TYR: variants seen among roughly 807,000 people sequenced by gnomAD.
TYR encodes the protein LB24-AB.
In TYR, 58 loss-of-function variants were observed where a neutral mutation model predicts 51.5. The ratio of observed to expected loss-of-function variants is 1.13; its 90% CI spans 0.91 to 1.40. The LOEUF (loss-of-function observed/expected upper bound fraction) is 1.40, where lower values mean the gene tolerates loss of function less well. Among genes scored for constraint, TYR ranks in the 40% most tolerant of loss-of-function variants. TYR has a pLI of 0.00. For missense variants in TYR, 732 were observed against 647.4 expected (o/e 1.13, Z -1.42); for synonymous variants, 263 against 235.2 (o/e 1.12, Z -1.08).
intron 4 of TYR, among the ~76,000 whole-genome samples, chr11:89,290,685 G>T (rs1158947948): frequency 6.6e-6 from 1 of 151,894 alleles, no homozygotes; most frequent in Non-Finnish European, 1.5e-5. Flanking sequence ...AAAGGTAAAT[G>T]GTTAAAGATA....
At chr11:89,247,732 G>T (rs928839673) in intron 3 of TYR, among the ~76,000 whole-genome samples, 3 of 152,174 alleles carry the variant, frequency 2.0e-5, no homozygotes, top group African/African-American at 7.2e-5. Flanking sequence ...TCTGCAAAGC[G>T]GAGGGAAGAG....
At chr11:89,286,362 G>C (rs1198962506) in intron 4 of TYR, among the ~76,000 whole-genome samples, 3 of 151,796 alleles carry the variant, frequency 2.0e-5, no homozygotes, top group African/African-American at 7.3e-5. Context: ...AAAATAAGTT[G>C]ACCCAGTTTA....
At chr11:89,209,737 G>A (rs1318820209) in intron 2 of TYR, among the ~76,000 whole-genome samples, 2 of 152,096 alleles carry the variant, frequency 1.3e-5, no homozygotes, top group African/African-American at 4.8e-5. Flanking sequence ...ACAGGCAGGT[G>A]CCCCTCTGGG....
chr11:89,204,242 G>C (rs1943640564), intron 2 of TYR, among the ~76,000 whole-genome samples: 1 of 152,158 alleles, frequency 6.6e-6, no homozygotes, highest in African/African-American at 2.4e-5. Context: ...CAGTAATGAG[G>C]GGTATTCTTA....
At chr11:89,263,769 A>C (rs1306322438) in intron 3 of TYR, among the ~76,000 whole-genome samples, 1 of 152,094 alleles carries the variant, frequency 6.6e-6, no homozygotes, top group Non-Finnish European at 1.5e-5. Context: ...ACTTAGGAAT[A>C]ATTTTAACCA....
chr11:89,205,053 C>T lies in TYR; in HGVS notation c.1036+13635C>T, dbSNP rs192923820. Among the ~76,000 whole-genome samples the T allele has an allele frequency of 3.3e-3, 501 of 151,814 alleles. 2 individuals are homozygous for T. The highest frequency in any genetic ancestry group is 3.1e-3 in the South Asian group (15 of 4,794). On this transcript the variant is annotated intron_variant, in intron 2 of 4. Coordinates refer to ENST00000263321, the MANE Select transcript of TYR (RefSeq NM_000372.5). Reference sequence around the variant, plus strand: ...ACAAATGAAAAAAATAGAATGACTTCGCAAGAAAATGGAAGATATCACAAA... The same window carrying T: ...ACAAATGAAAAAAATAGAATGACTTTGCAAGAAAATGGAAGATATCACAAA...
At chr11:89,213,643 A>C (rs2135271458) in intron 2 of TYR, among the ~76,000 whole-genome samples, 1 of 152,274 alleles carries the variant, frequency 6.6e-6, no homozygotes, top group African/African-American at 2.4e-5. Context: ...ATTAATTCTA[A>C]GCAAAAAAGA....
intron 2 of TYR, among the ~76,000 whole-genome samples, chr11:89,209,804 T>C (rs868358703): frequency 2.0e-5 from 3 of 152,186 alleles, no homozygotes; most frequent in Middle Eastern, 3.4e-3. Flanking sequence ...CAGGCTCCAT[T>C]GGTGATACCC....
At chr11:89,284,518 ATGTGTAAGTTTTATT>A (rs765504460) in intron 3 of TYR, among the ~76,000 whole-genome samples, 5 of 151,984 alleles carry the variant, frequency 3.3e-5, no homozygotes, top group Non-Finnish European at 4.4e-5. Flanking sequence ...TCAAAACTCA[ATGTGTAAGTTTTATT>A]CACCTGCTAA....
intron 3 of TYR, among the ~76,000 whole-genome samples, chr11:89,276,904 T>G (rs1207496245): frequency 2.6e-5 from 4 of 151,812 alleles, no homozygotes; most frequent in Non-Finnish European, 5.9e-5. Flanking sequence ...TACCGTTAAC[T>G]GTGACCTTTG....
At chr11:89,275,128 CAT>C (rs778799006) in intron 3 of TYR, among the ~76,000 whole-genome samples, 18 of 151,924 alleles carry the variant, frequency 1.2e-4, no homozygotes, top group Non-Finnish European at 2.5e-4. Flanking sequence ...AGGGATAAAT[CAT>C]ATGTCTTTAG....
intron 4 of TYR, among the ~76,000 whole-genome samples, chr11:89,285,748 A>T (rs959520083): frequency 5.3e-5 from 8 of 151,766 alleles, no homozygotes; most frequent in African/African-American, 1.9e-4. Flanking sequence ...AATTTAAGTG[A>T]CTTTCTCAAA....
intron 3 of TYR, among the ~76,000 whole-genome samples, chr11:89,256,256 G>A (rs1944389996): frequency 6.6e-6 from 1 of 151,686 alleles, no homozygotes; most frequent in African/African-American, 2.4e-5. Context: ...GTAAGTTATT[G>A]CCTGTAAAAT....
At chr11:89,211,474 G>A (rs771693376) in intron 2 of TYR, among the ~76,000 whole-genome samples, 9 of 152,138 alleles carry the variant, frequency 5.9e-5, no homozygotes, top group African/African-American at 2.2e-4. Context: ...GACCTACAAA[G>A]AGAGTTAGAC....
intron 1 of TYR, among the ~76,000 whole-genome samples, chr11:89,188,740 A>G (rs1020533309): frequency 6.7e-6 from 1 of 150,194 alleles, no homozygotes; most frequent in Non-Finnish European, 1.5e-5. Context: ...TAATGAAGAT[A>G]TGAATAACCC....
intron 2 of TYR, among the ~76,000 whole-genome samples, chr11:89,204,740 G>A (rs1350201061): frequency 4.6e-5 from 7 of 151,334 alleles, no homozygotes; most frequent in Admixed American, 2.0e-4. Context: ...AATAAGATCT[G>A]TAGTCTCATA....
intron 3 of TYR, among the ~76,000 whole-genome samples, chr11:89,280,995 GT>G (rs766243229): frequency 5.9e-5 from 9 of 151,708 alleles, no homozygotes; most frequent in Non-Finnish European, 1.0e-4. Context: ...GTAATCCACT[GT>G]TGTTATACTG....
intron 3 of TYR, among the ~76,000 whole-genome samples, chr11:89,271,217 A>G (rs1944585052): frequency 6.6e-6 from 1 of 151,856 alleles, no homozygotes; most frequent in Admixed American, 6.6e-5. Context: ...TTAATGCTAA[A>G]AACAATCCCT....
intron 4 of TYR, among the ~76,000 whole-genome samples, chr11:89,289,533 A>C (rs1944832981): frequency 6.6e-6 from 1 of 151,802 alleles, no homozygotes; most frequent in Non-Finnish European, 1.5e-5. Flanking sequence ...GAACAACATT[A>C]CTCTCGAAAT....
Sources: gnomAD v4.1 joint callset for allele counts (sites outside exome capture counted in the v4.1 genomes callset) on GRCh38, gnomAD v4.1.1 for gene constraint, MANE v1.5 for transcripts, NCBI Gene and HGNC (gene_info 2026-07-23, HGNC 2026-07-21) for gene names.